ADCY2: variants seen among roughly 807,000 people sequenced by gnomAD.
The protein encoded by ADCY2 is adenylate cyclase 2, also known as adenylate cyclase type 2.
In ADCY2, 31 loss-of-function variants were observed where a neutral mutation model predicts 125.2. The observed-to-expected ratio is 0.25, with a 90% CI of 0.19 to 0.33. The LOEUF (loss-of-function observed/expected upper bound fraction) is 0.33, where lower values mean the gene tolerates loss of function less well. ADCY2 is among the 10% of genes least tolerant of loss of function. The probability of loss-of-function intolerance (pLI) is 1.00; values close to 1 mark genes in which losing one functional copy is unlikely to be tolerated. For synonymous variants in ADCY2, 512 were observed against 548.4 expected (o/e 0.93, Z 0.93); for missense variants, 904 against 1,418.2 (o/e 0.64, Z 5.82).
chr5:7,483,006 G>A (rs1742795108), intron 2 of ADCY2, among the ~76,000 whole-genome samples: 1 of 151,924 alleles, frequency 6.6e-6, no homozygotes, highest in Admixed American at 6.6e-5. Context: ...GTAAGCAGAG[G>A]CTGGGAAGGG....
At chr5:7,580,030 A>C (rs1024921093) in intron 3 of ADCY2, among the ~76,000 whole-genome samples, 1 of 152,178 alleles carries the variant, frequency 6.6e-6, no homozygotes, top group African/African-American at 2.4e-5. Flanking sequence ...AGCAAATAAC[A>C]AACATTCTCA....
intron 15 of ADCY2, among the ~76,000 whole-genome samples, chr5:7,747,342 G>A (rs1362302573): frequency 6.6e-6 from 1 of 152,196 alleles, no homozygotes; most frequent in Non-Finnish European, 1.5e-5. Flanking sequence ...CCTCTAAATT[G>A]TTTCTGTTTC....
At chr5:7,659,946 A>G (rs1739466534) in intron 4 of ADCY2, among the ~76,000 whole-genome samples, 1 of 152,228 alleles carries the variant, frequency 6.6e-6, no homozygotes, top group Non-Finnish European at 1.5e-5. Flanking sequence ...AACACCAAGT[A>G]CAATATATTC....
intron 3 of ADCY2, among the ~76,000 whole-genome samples, chr5:7,568,015 A>G (rs893197902): frequency 6.8e-6 from 1 of 147,644 alleles, no homozygotes; most frequent in Non-Finnish European, 1.5e-5. Context: ...CACCTTTTTC[A>G]TTAGAGCTGG....
intron 3 of ADCY2, among the ~76,000 whole-genome samples, chr5:7,620,703 T>C (rs1737925210): frequency 6.6e-6 from 1 of 152,232 alleles, no homozygotes; most frequent in African/African-American, 2.4e-5. Context: ...GTAAGCCAAA[T>C]TGGATGCTTA....
At chr5:7,433,679 A>G (rs1418619607) in intron 2 of ADCY2, among the ~76,000 whole-genome samples, 3 of 152,182 alleles carry the variant, frequency 2.0e-5, no homozygotes, top group Non-Finnish European at 4.4e-5. Flanking sequence ...GATTTATTTT[A>G]ATAAATCAAA....
intron 2 of ADCY2, among the ~76,000 whole-genome samples, chr5:7,489,411 A>T (rs1021731343): frequency 6.6e-6 from 1 of 151,936 alleles, no homozygotes; most frequent in Admixed American, 6.6e-5. Context: ...TTCAACTGGG[A>T]CTGTTTTCTT....
At chr5:7,767,746 C>T (rs535366908) in intron 17 of ADCY2, among the ~76,000 whole-genome samples, 10 of 152,118 alleles carry the variant, frequency 6.6e-5, no homozygotes, top group Admixed American at 1.3e-4. Flanking sequence ...GAAGTGGCTT[C>T]TGGGCCAGGC....
At chr5:7,786,376 T>C (rs1299847259) in intron 19 of ADCY2, among the ~76,000 whole-genome samples, 1 of 152,260 alleles carries the variant, frequency 6.6e-6, no homozygotes, top group African/African-American at 2.4e-5. Flanking sequence ...TCAAGTGCCA[T>C]AAGTAAAGCA....
At chr5:7,416,048 A>G (rs1393360751) in intron 2 of ADCY2, among the ~76,000 whole-genome samples, 1 of 152,046 alleles carries the variant, frequency 6.6e-6, no homozygotes, top group African/African-American at 2.4e-5. Flanking sequence ...TGCTGTAGGG[A>G]GGGTTTCCAG....
rs1360627700 is a variant in ADCY2 at position 7,802,450 on chromosome 5, A to G, written c.2775+86A>G. ...TGAAGTTACTTCAGGATAGTGGCCT[A>G]TCCCAAAAAAACTTGTCCTTTGGCA... On this transcript the variant is annotated intron_variant, in intron 21 of 24. Transcript: ENST00000338316. This position sits in a 1 kb window ranked among gnomAD's most constrained non-coding sequence, Gnocchi z 4.6. The G allele has an allele frequency of 1.4e-6, 2 of 1,465,504 alleles. No homozygotes were observed. Among genetic ancestry groups the G allele is most frequent in the Non-Finnish European group, 1.8e-6 (2 of 1,096,930 alleles). 90.8% of individuals were successfully genotyped at this position (1,465,504 alleles called of 1,614,324 possible). A position where few individuals can be genotyped will look rare whatever the true frequency, so the allele number is the denominator to read the frequency against.
At chr5:7,582,206 C>T (rs1346037896) in intron 3 of ADCY2, among the ~76,000 whole-genome samples, 1 of 152,110 alleles carries the variant, frequency 6.6e-6, no homozygotes, top group African/African-American at 2.4e-5. Context: ...ATTAGGAGGA[C>T]ATAACAGTCG....
At chr5:7,646,981 A>G (rs1738920128) in intron 4 of ADCY2, among the ~76,000 whole-genome samples, 1 of 152,178 alleles carries the variant, frequency 6.6e-6, no homozygotes, top group Admixed American at 6.5e-5. Flanking sequence ...ATGTTCCAGC[A>G]TCATCCTCTG....
chr5:7,829,285 C>T lies in ADCY2; in HGVS notation c.*2414C>T, dbSNP rs971754820. On this transcript the variant is annotated 3_prime_UTR_variant, in exon 25 of 25. Coordinates refer to ENST00000338316, the MANE Select transcript of ADCY2 (RefSeq NM_020546.3). ...TTCTGATCCCTGATCAAGCTTCAGACCTCCCTCCCTCCCCAGTGTTTTTGC... is the reference window on the plus strand; with the variant it reads ...TTCTGATCCCTGATCAAGCTTCAGATCTCCCTCCCTCCCCAGTGTTTTTGC... 1 of 152,660 alleles carries T rather than the reference C, an allele frequency of 6.6e-6. No homozygotes were observed. The highest frequency in any genetic ancestry group is 6.5e-5 in the Admixed American group (1 of 15,278). The allele number at this position is 152,660 out of a possible 1,614,324, so 9.5% of individuals were successfully genotyped here.
chr5:7,674,573 C>G (rs933491748), intron 4 of ADCY2, among the ~76,000 whole-genome samples: 1 of 152,204 alleles, frequency 6.6e-6, no homozygotes, highest in East Asian at 1.9e-4. Context: ...AAAACACTTT[C>G]TGTGTTTCCA....
At chr5:7,628,383 G>T (rs1485642061) in intron 4 of ADCY2, among the ~76,000 whole-genome samples, 1 of 152,136 alleles carries the variant, frequency 6.6e-6, no homozygotes, top group East Asian at 1.9e-4. Context: ...TCAGGTCACT[G>T]ACCTCACCTG....
chr5:7,665,982 G>A (rs1377197509), intron 4 of ADCY2, among the ~76,000 whole-genome samples: 2 of 148,088 alleles, frequency 1.4e-5, no homozygotes, highest in Non-Finnish European at 1.5e-5. Flanking sequence ...GGGACTACAG[G>A]CACCCGCCAC....
At chr5:7,401,134 TGA>T in intron 1 of ADCY2, among the ~76,000 whole-genome samples, 1 of 152,202 alleles carries the variant, frequency 6.6e-6, no homozygotes, top group East Asian at 1.9e-4. Context: ...CCTTGTAAGC[TGA>T]TGTCCTCAAT....
intron 19 of ADCY2, 72 bp downstream of exon 19, chr5:7,784,521 A>G: frequency 9.1e-7 from 1 of 1,098,464 alleles, no homozygotes. Context: ...TTTGCTGTGC[A>G]TTGTAGTTAA....
Sources: allele counts gnomAD v4.1 joint callset (sites outside exome capture counted in the v4.1 genomes callset), GRCh38; gene constraint gnomAD v4.1.1; non-coding constraint Gnocchi (gnomAD v3.1); transcripts MANE v1.5; gene names NCBI Gene and HGNC (gene_info 2026-07-23, HGNC 2026-07-21).